Variants in NEGR1 observed in about 807,000 individuals in gnomAD.
The protein encoded by NEGR1 is neuronal growth regulator 1, also known as IgLON family member 4.
NEGR1 carries 10 observed loss-of-function variants against 40.9 expected under a neutral mutation model. That is an observed-to-expected ratio of 0.24 (90% CI 0.15 to 0.42). The LOEUF (loss-of-function observed/expected upper bound fraction) is 0.42. NEGR1 is among the 10% of genes least tolerant of loss of function. NEGR1 has a pLI of 1.00. For synonymous variants in NEGR1, 185 were observed against 166.8 expected, an observed-to-expected ratio of 1.11 and a Z score of -0.84; for missense variants, 352 against 438.9, an observed-to-expected ratio of 0.80 and a Z score of 1.77.
chr1:71,474,598 C>CT (rs989018349), intron 6 of NEGR1, among the ~76,000 whole-genome samples: 1 of 148,480 alleles, frequency 6.7e-6, no homozygotes, highest in Non-Finnish European at 1.5e-5. Flanking sequence ...ATAATCCCAG[C>CT]TACTTGGGAG....
chr1:71,513,778 A>G (rs1487074457), intron 6 of NEGR1, among the ~76,000 whole-genome samples: 1 of 151,836 alleles, frequency 6.6e-6, no homozygotes, highest in Non-Finnish European at 1.5e-5. Flanking sequence ...AGCGACGCAG[A>G]AGACGGGTGA....
chr1:72,026,551 A>C (rs1371182908), intron 1 of NEGR1, among the ~76,000 whole-genome samples: 1 of 149,282 alleles, frequency 6.7e-6, no homozygotes, highest in Non-Finnish European at 1.5e-5. Context: ...CAACAACAAC[A>C]AAAAAAACCC....
intron 1 of NEGR1, among the ~76,000 whole-genome samples, chr1:72,241,380 G>A: frequency 7.1e-6 from 1 of 140,898 alleles, no homozygotes; most frequent in Non-Finnish European, 1.6e-5. Flanking sequence ...TGCTAACATG[G>A]TTTTAATTAG....
intron 3 of NEGR1, chr1:71,703,128 G>T (rs1184085824): frequency 1.3e-5 from 2 of 151,702 alleles, no homozygotes; most frequent in Non-Finnish European, 2.9e-5. Flanking sequence ...ACAATTTCTA[G>T]AGCTCAGACA....
At chr1:71,511,068 A>T (rs1647069648) in intron 6 of NEGR1, among the ~76,000 whole-genome samples, 1 of 152,220 alleles carries the variant, frequency 6.6e-6, no homozygotes, top group African/African-American at 2.4e-5. Flanking sequence ...AATTTTGCAG[A>T]TGCAGGCTAC....
chr1:71,872,270 G>A (rs1405140068), intron 2 of NEGR1, among the ~76,000 whole-genome samples: 1 of 152,078 alleles, frequency 6.6e-6, no homozygotes, highest in Non-Finnish European at 1.5e-5. Context: ...TTTCTGAGGT[G>A]GTTTTGACAC....
chr1:71,679,010 G>C (rs548672312), intron 4 of NEGR1, among the ~76,000 whole-genome samples: 5 of 152,282 alleles, frequency 3.3e-5, no homozygotes, highest in South Asian at 4.1e-4. Context: ...TATCAAGTTT[G>C]TGTTTTGTAA....
At chr1:72,244,256 T>C (rs1400031964) in intron 1 of NEGR1, among the ~76,000 whole-genome samples, 2 of 151,862 alleles carry the variant, frequency 1.3e-5, no homozygotes, top group African/African-American at 4.8e-5. Flanking sequence ...TTTGGAATTT[T>C]CGTCTCTTAA....
chr1:71,789,971 G>C (rs1365492413), intron 2 of NEGR1, among the ~76,000 whole-genome samples: 2 of 152,102 alleles, frequency 1.3e-5, no homozygotes, highest in African/African-American at 4.8e-5. Flanking sequence ...GGATGGAAAA[G>C]TATAAACTAT....
rs145354058 is a variant in NEGR1, at chr1:71,675,126, T to TATATATATACAC, written c.667+22881_667+22882insGTGTATATATAT. 4.6e-4 allele frequency among the ~76,000 whole-genome samples: 36 copies of TATATATATACAC among 77,798 alleles called. 1 individual carries two copies. The highest frequency in any genetic ancestry group is 7.0e-4 in the African/African-American group (17 of 24,308). The allele number at this position is 77,798 out of a possible 152,430, so 51.0% of individuals were successfully genotyped here. On this transcript the variant is annotated intron_variant, in intron 4 of 6. Coordinates refer to ENST00000357731, the MANE Select transcript of NEGR1 (RefSeq NM_173808.3). ...GCATGTTTATTCATATATATATATA[T>TATATATATACAC]ACACACACACATATGAATTCTTAGA...
At chr1:71,917,237 T>C (rs1661610198) in intron 2 of NEGR1, among the ~76,000 whole-genome samples, 1 of 152,208 alleles carries the variant, frequency 6.6e-6, no homozygotes, top group South Asian at 2.1e-4. Context: ...AATTAAATTG[T>C]TATATTTACT....
At chr1:71,613,433 G>C (rs1650331603) in intron 4 of NEGR1, among the ~76,000 whole-genome samples, 1 of 152,012 alleles carries the variant, frequency 6.6e-6, no homozygotes, top group South Asian at 2.1e-4. Context: ...GATCACCTGA[G>C]GTCAGGAGTT....
chr1:71,735,232 A>T (rs1193408440), intron 3 of NEGR1, among the ~76,000 whole-genome samples: 1 of 152,126 alleles, frequency 6.6e-6, no homozygotes, highest in Non-Finnish European at 1.5e-5. Context: ...CACACTTAAA[A>T]TGGAACTTCC....
intron 6 of NEGR1, among the ~76,000 whole-genome samples, chr1:71,494,320 C>A (rs539657683): frequency 1.4e-4 from 22 of 152,166 alleles, no homozygotes; most frequent in Non-Finnish European, 1.3e-4. Context: ...TGTGATTAAG[C>A]CCCAGTAAAA....
At chr1:71,693,806 A>G (rs191632412) in intron 4 of NEGR1, among the ~76,000 whole-genome samples, 1 of 151,494 alleles carries the variant, frequency 6.6e-6, no homozygotes, top group East Asian at 1.9e-4. Flanking sequence ...AGATTAGGGA[A>G]CCCCATTCAT....
intron 1 of NEGR1, among the ~76,000 whole-genome samples, chr1:72,058,679 T>C (rs1172764099): frequency 6.6e-6 from 1 of 151,672 alleles, no homozygotes; most frequent in Non-Finnish European, 1.5e-5. Flanking sequence ...AAATGTTTCA[T>C]TTATGCAAGG....
intron 3 of NEGR1, among the ~76,000 whole-genome samples, chr1:71,758,507 G>A (rs1376924994): frequency 6.6e-6 from 1 of 151,898 alleles, no homozygotes; most frequent in Non-Finnish European, 1.5e-5. Context: ...CAGTTTTATT[G>A]ATATATAGTC....
chr1:71,934,598 T>G (rs1645886515), intron 2 of NEGR1, among the ~76,000 whole-genome samples: 1 of 152,154 alleles, frequency 6.6e-6, no homozygotes, highest in African/African-American at 2.4e-5. Flanking sequence ...TTCTAATATT[T>G]TCATGTATCT....
At chr1:71,981,313 A>C (rs917542918) in intron 1 of NEGR1, among the ~76,000 whole-genome samples, 2 of 152,138 alleles carry the variant, frequency 1.3e-5, no homozygotes, top group South Asian at 4.1e-4. Context: ...ATTAAAGCAG[A>C]GGATACAATG....
Sources: allele counts gnomAD v4.1 joint callset (sites outside exome capture counted in the v4.1 genomes callset), GRCh38; gene constraint gnomAD v4.1.1; transcripts MANE v1.5; gene names NCBI Gene and HGNC (gene_info 2026-07-23, HGNC 2026-07-21).